The following VASP variants were observed in gnomAD, a reference collection of about 807,000 sequenced individuals.
VASP encodes vasodilator stimulated phosphoprotein, also known as vasodilator-stimulated phosphoprotein.
In VASP, 27 loss-of-function variants were observed where a neutral mutation model predicts 54.4. The ratio of observed to expected loss-of-function variants is 0.50; its 90% CI spans 0.37 to 0.68. VASP has a LOEUF of 0.68. Ranked by LOEUF, VASP falls within the 30% of genes least tolerant of loss-of-function variation. The pLI is 0.00. For synonymous variants in VASP, 233 were observed against 209.8 expected, an observed-to-expected ratio of 1.11 and a Z score of -0.96; for missense variants, 488 against 528.3, an observed-to-expected ratio of 0.92 and a Z score of 0.75.
At chr19:45,511,430 CTG>C (rs3216352) in intron 1 of VASP, among the ~76,000 whole-genome samples, 24,112 of 152,000 alleles carry the variant, frequency 0.16, 2,114 homozygotes, top group East Asian at 0.34. Flanking sequence ...GGGCTGGAAA[CTG>C]AGTTTCAGAG....
In VASP at chr19:45,513,537, G is replaced by A. The variant is rs369543322; in HGVS notation, c.6-4126G>A. On this transcript the variant is annotated intron_variant, in intron 1 of 12. Coordinates refer to ENST00000245932, the MANE Select transcript of VASP (RefSeq NM_003370.4). Reference sequence around the variant, plus strand: ...CCCAGACTGGAGTGCAGTGGTCTGAGATCGGCTCACTGCAACTGCCTCCTG... The same window carrying A: ...CCCAGACTGGAGTGCAGTGGTCTGAAATCGGCTCACTGCAACTGCCTCCTG... Among the ~76,000 whole-genome samples, 3 of 143,710 alleles carry A rather than the reference G, an allele frequency of 2.1e-5. No homozygotes were observed. The East Asian group carries it at 6.3e-4, about 30-fold the overall frequency. The allele number at this position is 143,710 out of a possible 152,430, so 94.3% of individuals were successfully genotyped here. A position where few individuals can be genotyped will look rare whatever the true frequency, so the allele number is the denominator to read the frequency against.
At chr19:45,523,601 G>T (rs1568390654) in intron 7 of VASP, 43 bp from the exon 8 acceptor site, 2 of 1,610,588 alleles carry the variant, frequency 1.2e-6, no homozygotes, top group East Asian at 2.2e-5. Context: ...AAGGGGATGG[G>T]TTGGGTGACG....
chr19:45,511,080 A>G (rs915366724), intron 1 of VASP, among the ~76,000 whole-genome samples: 1 of 152,060 alleles, frequency 6.6e-6, no homozygotes, highest in Non-Finnish European at 1.5e-5. Flanking sequence ...TTATCTTCCT[A>G]TTCACTTATG....
intron 1 of VASP, among the ~76,000 whole-genome samples, chr19:45,510,371 G>T (rs931451795): frequency 2.0e-5 from 3 of 152,032 alleles, no homozygotes; most frequent in Non-Finnish European, 1.5e-5. Context: ...GACTACAGGT[G>T]CCTGCCACCA....
Position 45,522,591 on chromosome 19 carries a change from C to T in VASP, c.720+10C>T, listed in dbSNP as rs376795932. 1.2e-4 allele frequency: 183 copies of T among 1,479,068 alleles called. 1 individual carries two copies. The African/African-American group carries it at 2.1e-3, about 17-fold the overall frequency. 91.6% of individuals were successfully genotyped at this position (1,479,068 alleles called of 1,614,324 possible). On this transcript the variant is annotated intron_variant, in intron 6 of 12. Coordinates refer to ENST00000245932, the MANE Select transcript of VASP (RefSeq NM_003370.4). Reference sequence around the variant, plus strand: ...CAGGAAAGTCAGCAAGGTGAGGGGCCGGGAGAGGTGGGCAGGGGGCAACAG... The same window carrying T: ...CAGGAAAGTCAGCAAGGTGAGGGGCTGGGAGAGGTGGGCAGGGGGCAACAG...
At chr19:45,509,445 C>T (rs1015594583) in intron 1 of VASP, among the ~76,000 whole-genome samples, 2 of 152,070 alleles carry the variant, frequency 1.3e-5, no homozygotes, top group Non-Finnish European at 2.9e-5. Flanking sequence ...GGCGGATGTC[C>T]GAGTTAGTGC....
At chr19:45,524,073 T>G in intron 9 of VASP, 24 bp from the exon 10 acceptor site, 1 of 1,613,996 alleles carries the variant, frequency 6.2e-7, no homozygotes, top group Admixed American at 1.7e-5. Context: ...TCCCTGATCT[T>G]TCTGATTTCT....
intron 7 of VASP, among the ~76,000 whole-genome samples, chr19:45,523,356 C>T (rs1172303292): frequency 1.3e-5 from 2 of 151,696 alleles, no homozygotes; most frequent in African/African-American, 2.4e-5. Flanking sequence ...GCATGAGTCA[C>T]CACACCCGGC....
At chr19:45,523,243 C>T (rs555414719) in intron 7 of VASP, among the ~76,000 whole-genome samples, 35 of 123,888 alleles carry the variant, frequency 2.8e-4, no homozygotes, top group African/African-American at 1.1e-3. Context: ...TGCTCTGTCA[C>T]CCAGGCTGGA....
At position 45,526,154 on chromosome 19, in the gene VASP, C is replaced by T. The variant is rs749520267; in HGVS notation, c.1120C>T (p.Leu374=). The change falls in exon 13 of 13, where the codon CTG becomes TTG. Residue 374 remains leucine, a synonymous_variant. Transcript: ENST00000245932. ...TTTCCTTCCAGCCTTCGTCCAGGAG[C>T]TGAGGAAGCGGGGTTCTCCCTGACC... ...EEIIEAFVQE[L]RKRGSP is the part of the protein sequence containing the mutation. The T allele has an allele frequency of 2.5e-6, 4 of 1,613,634 alleles. No individual in the cohort carries two copies. The highest frequency in any genetic ancestry group is 2.5e-6 in the Non-Finnish European group (3 of 1,179,912).
chr19:45,524,655 A>G lies in VASP; in HGVS notation c.1042A>G (p.Lys348Glu). 1 of 1,613,798 alleles carries G rather than the reference A, an allele frequency of 6.2e-7. No homozygotes were observed. The highest frequency in any genetic ancestry group is 1.1e-5 in the South Asian group (1 of 91,064). The change falls in exon 11 of 13, where the codon AAA (lysine) becomes GAA (glutamate). Residue 348 changes from lysine to glutamate, a missense_variant. This residue lies in a region of VASP where 126 missense variants were observed against 134.8 expected (regional missense o/e 0.94). Coordinates refer to ENST00000245932, the MANE Select transcript of VASP (RefSeq NM_003370.4). ...TGATTACTCGGACCTACAGAGGGTG[A>G]AACAGGTAACTTGGGGGGGAAGTTG... is the stretch of plus-strand genomic sequence containing the variant. ...SSDYSDLQRV[K>E]QELLEEVKKE...
intron 1 of VASP, among the ~76,000 whole-genome samples, chr19:45,514,172 G>C (rs932867868): frequency 6.6e-6 from 1 of 152,256 alleles, no homozygotes; most frequent in East Asian, 1.9e-4. Context: ...ACACAGGCCC[G>C]AGGCAGGAAT....
At chr19:45,521,744 G>C (rs1040765256) in intron 4 of VASP, among the ~76,000 whole-genome samples, 1 of 152,040 alleles carries the variant, frequency 6.6e-6, no homozygotes, top group Non-Finnish European at 1.5e-5. Context: ...ACAAAAATTA[G>C]CCGGTCATGG....
chr19:45,520,032 G>C (rs1226096463), intron 3 of VASP, among the ~76,000 whole-genome samples: 1 of 150,706 alleles, frequency 6.6e-6, no homozygotes, highest in Non-Finnish European at 1.5e-5. Flanking sequence ...CTCCTGAGTA[G>C]ATGGAACTAT....
intron 7 of VASP, among the ~76,000 whole-genome samples, chr19:45,523,189 A>ATTTTTTTTTTTTTTTTTTTTTTTTTTTTT (rs1568390471): frequency 9.3e-6 from 1 of 106,970 alleles, no homozygotes; most frequent in Non-Finnish European, 1.8e-5. Context: ...CAATCTCTTG[A>ATTTTTTTTTTTTTTTTTTTTTTTTTTTTT]ATTTTTTTTT....
At chr19:45,508,123 C>A (rs890340558) in intron 1 of VASP, among the ~76,000 whole-genome samples, 1 of 152,058 alleles carries the variant, frequency 6.6e-6, no homozygotes, top group African/African-American at 2.4e-5. Flanking sequence ...AGACTCTCCT[C>A]CCCCTCCCCC....
chr19:45,522,881 G>A, intron 7 of VASP, 63 bp downstream of exon 7: 1 of 1,483,452 alleles, frequency 6.7e-7, no homozygotes, highest in Non-Finnish European at 9.1e-7. Context: ...CCAGTCAGAG[G>A]AGGGCTCCAA....
intron 1 of VASP, among the ~76,000 whole-genome samples, chr19:45,509,776 T>G (rs1307905145): frequency 2.0e-5 from 3 of 152,028 alleles, no homozygotes; most frequent in Admixed American, 6.5e-5. Context: ...CCCATGCCCC[T>G]ATTACCCAGC....
At chr19:45,516,975 C>A (rs1425264913) in intron 1 of VASP, among the ~76,000 whole-genome samples, 1 of 68,308 alleles carries the variant, frequency 1.5e-5, no homozygotes, top group Non-Finnish European at 2.5e-5. Context: ...CAGAGTAAGA[C>A]TCTGTCTCAA....
Sources: gnomAD v4.1 joint callset for allele counts (sites outside exome capture counted in the v4.1 genomes callset) on GRCh38, gnomAD v4.1.1 for gene constraint, gnomAD v4.1.1 regional missense constraint, MANE v1.5 for transcripts, NCBI Gene and HGNC (gene_info 2026-07-23, HGNC 2026-07-21) for gene names.